Variants in ZGRF1 observed in about 807,000 individuals in gnomAD.
The protein encoded by ZGRF1 is zinc finger GRF-type containing 1.
Under a neutral mutation model 203.5 loss-of-function variants are expected in ZGRF1, and 196 were observed. That is an observed-to-expected ratio of 0.96 (90% confidence interval 0.86 to 1.08). The LOEUF (loss-of-function observed/expected upper bound fraction) is 1.08, where lower values mean the gene tolerates loss of function less well. Among genes scored for constraint, ZGRF1 ranks in the 50% least tolerant of loss-of-function variants. The pLI, the probability that ZGRF1 is intolerant of heterozygous loss-of-function variation, is 0.00. For missense variants in ZGRF1, 2,326 were observed against 2,416.3 expected, an observed-to-expected ratio of 0.96 and a Z score of 0.78; for synonymous variants, 809 against 841.3, an observed-to-expected ratio of 0.96 and a Z score of 0.66.
rs1240199682 is a variant in ZGRF1, at chr4:112,579,631, GACAA to G, written c.4438+2028_4438+2031del. ...TAAGCATTCTTATACACCAATAACA[GACAA>G]ACAGAGAGCCAAATCATGAGTGAAC... On this transcript the variant is annotated intron_variant, in intron 16 of 27. Coordinates refer to ENST00000505019, the MANE Select transcript of ZGRF1 (RefSeq NM_018392.5). Among the ~76,000 whole-genome samples, 5 of 120,794 alleles carry G rather than the reference GACAA, an allele frequency of 4.1e-5. 2 individuals are homozygous for G. The highest frequency in any genetic ancestry group is 4.9e-4 in the East Asian group (2 of 4,104). The allele number at this position is 120,794 out of a possible 152,430, so 79.2% of individuals were successfully genotyped here. A position where few individuals can be genotyped will look rare whatever the true frequency, so the allele number is the denominator to read the frequency against.
intron 3 of ZGRF1, among the ~76,000 whole-genome samples, chr4:112,624,499 CATTA>C (rs1433575142): frequency 6.6e-6 from 1 of 151,056 alleles, no homozygotes; most frequent in Non-Finnish European, 1.5e-5. Context: ...AATTGAAACA[CATTA>C]AAGGGGACAA....
chr4:112,598,905 G>A (rs1749482956), intron 10 of ZGRF1, among the ~76,000 whole-genome samples: 2 of 151,918 alleles, frequency 1.3e-5, no homozygotes, highest in Non-Finnish European at 2.9e-5. Context: ...TTAAAAATTA[G>A]CGAGGTTTGG....
chr4:112,552,474 T>C (rs1019263458), intron 22 of ZGRF1, among the ~76,000 whole-genome samples: 1 of 151,336 alleles, frequency 6.6e-6, no homozygotes, highest in Admixed American at 6.6e-5. Context: ...TTAACAATGA[T>C]ATATATGAAT....
intron 10 of ZGRF1, among the ~76,000 whole-genome samples, chr4:112,592,826 C>G (rs1748403309): frequency 6.6e-6 from 1 of 152,182 alleles, no homozygotes; most frequent in Non-Finnish European, 1.5e-5. Context: ...ATGTTGAAGC[C>G]TTAACCTCCA....
chr4:112,609,996 A>G (rs1335525432), intron 7 of ZGRF1, among the ~76,000 whole-genome samples: 9 of 151,836 alleles, frequency 5.9e-5, no homozygotes. Flanking sequence ...ACAGTTAGTT[A>G]GGTATGGTGG....
chr4:112,569,586 T>C (rs958030152), intron 16 of ZGRF1, among the ~76,000 whole-genome samples: 1 of 152,124 alleles, frequency 6.6e-6, no homozygotes, highest in Admixed American at 6.6e-5. Flanking sequence ...GTGGGTGCTT[T>C]CTAAGTATCT....
At chr4:112,634,785 G>A (rs960710703) in intron 1 of ZGRF1, among the ~76,000 whole-genome samples, 1 of 152,132 alleles carries the variant, frequency 6.6e-6, no homozygotes, top group African/African-American at 2.4e-5. Flanking sequence ...TACTTGCTTC[G>A]TGACACAGGT....
In ZGRF1 at chr4:112,541,066, C is replaced by T. The variant is rs1010085184; in HGVS notation, c.5775+26G>A. On this transcript the variant is annotated intron_variant, in intron 25 of 27. Coordinates refer to ENST00000505019, the MANE Select transcript of ZGRF1 (RefSeq NM_018392.5). The stretch of plus-strand genomic sequence containing the variant: ...AAACCAGGAACCTAAACCATGTTGA[C>T]TCTCATCAACATTAATGTCATTTAC... 3.2e-6 allele frequency: 5 copies of T among 1,551,148 alleles called. No individual in the cohort carries two copies. The East Asian group carries it at 1.2e-4, about 36-fold the overall frequency.
At position 112,612,581 on chromosome 4, in the gene ZGRF1, T is replaced by C. The variant is rs1300144092; in HGVS notation, c.2610A>G (p.Lys870=). ...TTGGTGAAACTACTGTAATAAATGGTTTCCTCACTGTAATGGAGAAAAGAA... is the reference window on the plus strand; with the variant it reads ...TTGGTGAAACTACTGTAATAAATGGCTTCCTCACTGTAATGGAGAAAAGAA... ...YEPDSPPEVR[K]PFITVVSPKS... Residue 870 remains lysine, a synonymous_variant, in exon 7 of 28, where the codon AAA becomes AAG. Transcript: ENST00000505019. 5.0e-6 allele frequency: 8 copies of C among 1,596,112 alleles called. No homozygotes were observed. Among genetic ancestry groups the C allele is most frequent in the Non-Finnish European group, 6.9e-6 (8 of 1,165,320 alleles).
chr4:112,584,023 C>T lies in ZGRF1; in HGVS notation c.4253G>A (p.Arg1418Lys). Residue 1418 changes from arginine (R) to lysine (K), a missense_variant, in exon 15 of 28, where the codon AGA becomes AAA. By Grantham distance (26) the Arg-to-Lys change is conservative. Transcript: ENST00000505019. ...CTCATAAAGTGGTATCTTTTGACTT[C>T]TTAAATATAAGCCAATACTCTTAAT... ...SDIKSIGLYL[R>K]SQKIPLYEEC... is the part of the protein sequence containing the mutation. 6.2e-7 allele frequency: 1 copy of T among 1,611,336 alleles called. No individual in the cohort carries two copies. The highest frequency in any genetic ancestry group is 8.5e-7 in the Non-Finnish European group (1 of 1,179,160).
intron 16 of ZGRF1, 47 bp from the exon 17 acceptor site, chr4:112,563,321 G>A (rs1742363662): frequency 1.4e-6 from 2 of 1,392,018 alleles, no homozygotes; most frequent in Non-Finnish European, 1.9e-6. Flanking sequence ...TATACAGTAT[G>A]GTTTTATATT....
chr4:112,587,569 A>G lies in ZGRF1; in HGVS notation c.3488T>C (p.Val1163Ala). The G allele has an allele frequency of 6.2e-7, 1 of 1,613,566 alleles. No individual in the cohort carries two copies. The highest frequency in any genetic ancestry group is 8.5e-7 in the Non-Finnish European group (1 of 1,179,782). ...GAAGCCATCAGTTATTCTCTTATCA[A>G]CTCTGTTTGGAGTAGCCACGTTGCA... ...SQCNVATPNRVDKRITDGFFA... is the reference protein window; with the variant it reads ...SQCNVATPNRADKRITDGFFA... The change falls in exon 12 of 28, where the codon GTT becomes GCT. Residue 1163 changes from valine (V) to alanine (A), a missense_variant. Physicochemically the swap from Val to Ala is moderately conservative, Grantham distance 64. Coordinates refer to ENST00000505019, the MANE Select transcript of ZGRF1 (RefSeq NM_018392.5).
intron 10 of ZGRF1, among the ~76,000 whole-genome samples, chr4:112,593,320 T>A (rs1387854193): frequency 6.6e-6 from 1 of 152,192 alleles, no homozygotes; most frequent in African/African-American, 2.4e-5. Flanking sequence ...TCCACTATAC[T>A]TTCACTGCCA....
At chr4:112,612,052 G>A (rs1237030425) in intron 7 of ZGRF1, among the ~76,000 whole-genome samples, 2 of 151,052 alleles carry the variant, frequency 1.3e-5, no homozygotes, top group Admixed American at 6.6e-5. Context: ...TGCAACCTCC[G>A]CCTCCTGGGT....
chr4:112,542,808 C>A (rs1322441513), intron 24 of ZGRF1, among the ~76,000 whole-genome samples: 3 of 137,320 alleles, frequency 2.2e-5, no homozygotes, highest in South Asian at 2.4e-4. Context: ...TTTTTCTTTT[C>A]TTTTCTTTTT....
intron 16 of ZGRF1, chr4:112,565,395 T>G (rs997436145): frequency 1.1e-6 from 1 of 930,710 alleles, no homozygotes; most frequent in African/African-American, 1.6e-5. Context: ...GAGAATGTGC[T>G]TTAGAATCCA....
In ZGRF1 at chr4:112,617,768, G is replaced by A; in HGVS notation, c.2274C>T (p.Thr758=). The A allele has an allele frequency of 1.9e-6, 3 of 1,613,922 alleles. No homozygotes were observed. Among genetic ancestry groups the A allele is most frequent in the Non-Finnish European group, 2.5e-6 (3 of 1,179,908 alleles). The change falls in exon 6 of 28, where the codon ACC becomes ACT. Residue 758 remains threonine, a synonymous_variant. Transcript: ENST00000505019. ...GGTAAAACAAAGAATTGGAAATGTG[G>A]GTATTTGATTTATCAAGTGCAATAC... is the stretch of plus-strand genomic sequence containing the variant. ...YECIALDKSN[T]HISNSLFYPL...
At chr4:112,549,383 C>A (rs962781544) in intron 22 of ZGRF1, among the ~76,000 whole-genome samples, 1 of 152,204 alleles carries the variant, frequency 6.6e-6, no homozygotes, top group East Asian at 1.9e-4. Flanking sequence ...CATATACACA[C>A]GTACACACAC....
intron 26 of ZGRF1, 37 bp from the exon 27 acceptor site, chr4:112,540,161 T>C (rs1376819266): frequency 1.3e-5 from 19 of 1,460,796 alleles, no homozygotes; most frequent in East Asian, 9.8e-5. Context: ...TAGTAAGAGA[T>C]TGTGAAGAAC....
Sources: gnomAD v4.1 joint callset for allele counts (sites outside exome capture counted in the v4.1 genomes callset) on GRCh38, gnomAD v4.1.1 for gene constraint, MANE v1.5 for transcripts, NCBI Gene and HGNC (gene_info 2026-07-23, HGNC 2026-07-21) for gene names.